Variants in SCN9A observed in about 807,000 individuals in gnomAD.
SCN9A encodes sodium voltage-gated channel alpha subunit 9.
In SCN9A, 131 loss-of-function variants were observed where a neutral mutation model predicts 187.0. That is an observed-to-expected ratio of 0.70 (90% CI 0.61 to 0.81). The LOEUF (loss-of-function observed/expected upper bound fraction) is 0.81. SCN9A is among the 30% of genes least tolerant of loss of function. The pLI is 0.00. For missense variants in SCN9A, 2,252 were observed against 2,396.6 expected, an observed-to-expected ratio of 0.94 and a Z score of 1.26; for synonymous variants, 809 against 808.6, an observed-to-expected ratio of 1.00 and a Z score of -0.01.
intron 1 of SCN9A, among the ~76,000 whole-genome samples, chr2:166,314,921 A>G (rs1253648321): frequency 6.6e-6 from 1 of 152,228 alleles, no homozygotes; most frequent in African/African-American, 2.4e-5. Flanking sequence ...TGAACATACT[A>G]AAAACCACTG....
At chr2:166,359,160 T>C (rs1411372747) in intron 1 of SCN9A, among the ~76,000 whole-genome samples, 1 of 152,212 alleles carries the variant, frequency 6.6e-6, no homozygotes, top group Non-Finnish European at 1.5e-5. Context: ...AATAACATTA[T>C]GTATTAGGGT....
Position 166,303,135 on chromosome 2 carries a change from A to G in SCN9A, c.856T>C (p.Leu286=). 6.2e-7 allele frequency: 1 copy of G among 1,610,152 alleles called. No individual in the cohort carries two copies. Among genetic ancestry groups the G allele is most frequent in the South Asian group, 1.1e-5 (1 of 90,694 alleles). Residue 286 remains leucine (L), a synonymous_variant, in exon 7 of 27, where the codon TTA becomes CTA. Coordinates refer to ENST00000642356, the MANE Select transcript of SCN9A (RefSeq NM_001365536.1). ...TCTAGGGTATTCATTATGCTTTCTA[A>G]TGTTTCATTATTTTCAAGTGAATTT... The part of the protein sequence containing the change: ...FRNSLENNET[L]ESIMNTLESE...
chr2:166,259,329 A>G (rs1227407709), intron 17 of SCN9A: 1 of 151,758 alleles, frequency 6.6e-6, no homozygotes, highest in Non-Finnish European at 1.5e-5. Context: ...GAAATGCAGC[A>G]TGATGAAAGA....
At chr2:166,294,313 C>G (rs1698206408) in intron 8 of SCN9A, among the ~76,000 whole-genome samples, 1 of 152,072 alleles carries the variant, frequency 6.6e-6, no homozygotes, top group Non-Finnish European at 1.5e-5. Context: ...ATTATCCAAC[C>G]AACTTTTGGT....
chr2:166,209,371 A>T (rs1693968930), intron 24 of SCN9A, among the ~76,000 whole-genome samples: 1 of 152,226 alleles, frequency 6.6e-6, no homozygotes, highest in Non-Finnish European at 1.5e-5. Context: ...ATTCAAAATA[A>T]TTATCCTAAT....
chr2:166,268,223 T>C (rs953734155), intron 17 of SCN9A, among the ~76,000 whole-genome samples: 1 of 152,046 alleles, frequency 6.6e-6, no homozygotes, highest in Non-Finnish European at 1.5e-5. Flanking sequence ...TGTAAATTGC[T>C]CAAGGTCTTA....
intron 1 of SCN9A, among the ~76,000 whole-genome samples, chr2:166,327,650 C>T (rs1189751553): frequency 1.4e-5 from 2 of 138,920 alleles, no homozygotes; most frequent in Non-Finnish European, 3.1e-5. Flanking sequence ...TGGAATTGAG[C>T]CAGCCATTAT....
At chr2:166,310,160 C>A in intron 2 of SCN9A, among the ~76,000 whole-genome samples, 1 of 102,814 alleles carries the variant, frequency 9.7e-6, no homozygotes, top group East Asian at 2.3e-4. Flanking sequence ...AGAAGAAAAC[C>A]CAGGCATTAC....
chr2:166,206,022 T>C (rs1693786514), intron 24 of SCN9A, among the ~76,000 whole-genome samples: 1 of 152,090 alleles, frequency 6.6e-6, no homozygotes, highest in Admixed American at 6.5e-5. Flanking sequence ...CAACAGATGT[T>C]GGAGAGGATG....
intron 18 of SCN9A, among the ~76,000 whole-genome samples, chr2:166,245,232 T>C (rs936667601): frequency 1.3e-5 from 2 of 152,080 alleles, no homozygotes; most frequent in African/African-American, 2.4e-5. Flanking sequence ...CAATTTGATA[T>C]ACAGAATGTT....
chr2:166,299,216 A>AGAG (rs1698452582), intron 7 of SCN9A, among the ~76,000 whole-genome samples: 1 of 151,400 alleles, frequency 6.6e-6, no homozygotes, highest in Admixed American at 6.6e-5. Flanking sequence ...ATATTTTTTT[A>AGAG]AATGCCAGCC....
intron 20 of SCN9A, among the ~76,000 whole-genome samples, chr2:166,236,929 C>T (rs1695342473): frequency 6.6e-6 from 1 of 152,112 alleles, no homozygotes; most frequent in African/African-American, 2.4e-5. Context: ...TTTTAAAGCA[C>T]TTATTGGCAT....
chr2:166,277,028 C>G lies in SCN9A; in HGVS notation c.2829G>C (p.Met943Ile). Residue 943 changes from methionine (M) to isoleucine (I), a missense_variant, in exon 16 of 27, where the codon ATG becomes ATC. By Grantham distance (10) the Met-to-Ile change is conservative. Coordinates refer to ENST00000642356, the MANE Select transcript of SCN9A (RefSeq NM_001365536.1). The part of the protein sequence containing the change: ...WDCMEVAGQA[M>I]CLIVYMMVMV... ...TGACCATCATGTAAACAATAAGGCA[C>G]ATAGCTTGACCAGCGACCTCCATAC... The G allele has an allele frequency of 6.2e-7, 1 of 1,614,004 alleles. No individual in the cohort carries two copies. The highest frequency in any genetic ancestry group is 8.5e-7 in the Non-Finnish European group (1 of 1,179,952).
chr2:166,256,780 G>C (rs940196893), intron 17 of SCN9A, among the ~76,000 whole-genome samples: 11 of 151,448 alleles, frequency 7.3e-5, no homozygotes, highest in Non-Finnish European at 1.6e-4. Context: ...TATTCTGTTG[G>C]TGAAATAATG....
chr2:166,278,476 G>T (rs1337601625), intron 14 of SCN9A, among the ~76,000 whole-genome samples, 163 bp from the exon 15 acceptor site: 1 of 152,094 alleles, frequency 6.6e-6, no homozygotes, highest in African/African-American at 2.4e-5. Flanking sequence ...ATTAGGTATT[G>T]CTCTTCCCTG....
At chr2:166,254,180 T>G (rs971312057) in intron 17 of SCN9A, among the ~76,000 whole-genome samples, 1 of 151,598 alleles carries the variant, frequency 6.6e-6, no homozygotes, top group Non-Finnish European at 1.5e-5. Context: ...TTCAATATTA[T>G]TGTTCAATGG....
intron 1 of SCN9A, among the ~76,000 whole-genome samples, chr2:166,367,108 GAT>G: frequency 6.6e-6 from 1 of 152,138 alleles, no homozygotes; most frequent in Admixed American, 6.5e-5. Context: ...TATTTTCCAA[GAT>G]ATATAAATAC....
At chr2:166,357,350 C>T (rs1559060898) in intron 1 of SCN9A, among the ~76,000 whole-genome samples, 2 of 152,116 alleles carry the variant, frequency 1.3e-5, no homozygotes, top group Non-Finnish European at 1.5e-5. Flanking sequence ...TAGTGTAACG[C>T]CTACAGGGCC....
intron 21 of SCN9A, among the ~76,000 whole-genome samples, chr2:166,229,611 G>A (rs946736504): frequency 2.0e-5 from 3 of 151,990 alleles, no homozygotes; most frequent in Admixed American, 6.5e-5. Flanking sequence ...CTGGTTCTAC[G>A]AAATAAGAGC....
Sources: allele counts gnomAD v4.1 joint callset (sites outside exome capture counted in the v4.1 genomes callset), GRCh38; gene constraint gnomAD v4.1.1; transcripts MANE v1.5; gene names NCBI Gene and HGNC (gene_info 2026-07-23, HGNC 2026-07-21).